Variants in PZP observed in about 807,000 individuals in gnomAD.
The protein encoded by PZP is PZP alpha-2-macroglobulin like, also known as pregnancy zone protein.
PZP carries 150 observed loss-of-function variants against 179.8 expected under a neutral mutation model. That is an observed-to-expected ratio of 0.83 (90% CI 0.73 to 0.96). The LOEUF is 0.96. PZP is among the 40% of genes least tolerant of loss of function. The probability of loss-of-function intolerance (pLI) is 0.00; values close to 1 mark genes in which losing one functional copy is unlikely to be tolerated. For synonymous variants in PZP, 624 were observed against 652.3 expected (o/e 0.96, Z 0.66); for missense variants, 1,689 against 1,764.0 (o/e 0.96, Z 0.76).
intron 7 of PZP, among the ~76,000 whole-genome samples, chr12:9,199,785 A>G (rs1944045606): frequency 6.6e-6 from 1 of 152,180 alleles, no homozygotes; most frequent in Non-Finnish European, 1.5e-5. Context: ...CAAATTTTAC[A>G]ATTTTAAAAA....
At chr12:9,157,122 T>C in intron 28 of PZP, 53 bp downstream of exon 28, 6 of 1,547,094 alleles carry the variant, frequency 3.9e-6, no homozygotes, top group Non-Finnish European at 5.3e-6. Flanking sequence ...GCTGTTCCCC[T>C]CCCTGTGTCT....
intron 1 of PZP, among the ~76,000 whole-genome samples, chr12:9,204,236 C>G (rs990393529): frequency 6.6e-6 from 1 of 152,130 alleles, no homozygotes; most frequent in African/African-American, 2.4e-5. Flanking sequence ...GCAGTCTGAG[C>G]TCTTTAAACT....
intron 4 of PZP, among the ~76,000 whole-genome samples, chr12:9,201,835 C>A (rs1944176755): frequency 1.3e-5 from 2 of 151,812 alleles, no homozygotes; most frequent in African/African-American, 2.4e-5. Flanking sequence ...TTCCTTTGCA[C>A]TAATATTGAA....
intron 16 of PZP, among the ~76,000 whole-genome samples, 176 bp downstream of exon 16, chr12:9,169,254 C>T (rs919206875): frequency 3.3e-5 from 5 of 152,070 alleles, no homozygotes; most frequent in African/African-American, 1.2e-4. Context: ...GACTCACATA[C>T]TGAGCTTTTG....
chr12:9,148,012 C>T (rs898632990), downstream of PZP, among the ~76,000 whole-genome samples: 2 of 151,570 alleles, frequency 1.3e-5, no homozygotes, highest in African/African-American at 4.8e-5. Flanking sequence ...TTTTTTTTCT[C>T]TCCATAAAAG....
At chr12:9,153,857 G>A (rs1230653611) in intron 29 of PZP, among the ~76,000 whole-genome samples, 1 of 152,198 alleles carries the variant, frequency 6.6e-6, no homozygotes. Flanking sequence ...GGAGGGAAAA[G>A]CCAGACACTC....
chr12:9,152,167 G>A, intron 32 of PZP, 53 bp downstream of exon 32: 3 of 1,254,920 alleles, frequency 2.4e-6, no homozygotes, highest in South Asian at 2.4e-5. Flanking sequence ...TCTTAGTTTG[G>A]GGATACAGAA....
In PZP at chr12:9,164,117, G is replaced by C; in HGVS notation, c.2614+16C>G. 1 of 1,606,346 alleles carries C rather than the reference G, an allele frequency of 6.2e-7. No individual in the cohort carries two copies. Among genetic ancestry groups the C allele is most frequent in the Non-Finnish European group, 8.5e-7 (1 of 1,173,684 alleles). On this transcript the variant is annotated intron_variant, in intron 20 of 35. Coordinates refer to ENST00000261336, the MANE Select transcript of PZP (RefSeq NM_002864.3). The stretch of plus-strand genomic sequence containing the variant: ...TCCTTGTTGATTGATAGGCCCTTTT[G>C]GGTACTGTCACTCACCCAGAGTTTT...
chr12:9,196,399 G>A lies in PZP; in HGVS notation c.1023C>T (p.Asn341=). 6.2e-7 allele frequency: 1 copy of A among 1,613,800 alleles called. No homozygotes were observed. The highest frequency in any genetic ancestry group is 8.5e-7 in the Non-Finnish European group (1 of 1,179,744). ...TCACGAATTTGAGTTTGGATACAAT[G>A]TTTGTGATTTCACTGATCCTGTTTG... The part of the protein sequence containing the change: ...VTANRISEIT[N]IVSKLKFVKV... The change falls in exon 10 of 36, where the codon AAC becomes AAT. Residue 341 remains asparagine (N), a synonymous_variant. Coordinates refer to ENST00000261336, the MANE Select transcript of PZP (RefSeq NM_002864.3).
chr12:9,182,544 G>A (rs1296832509), intron 13 of PZP, among the ~76,000 whole-genome samples: 1 of 152,020 alleles, frequency 6.6e-6, no homozygotes, highest in Non-Finnish European at 1.5e-5. Flanking sequence ...AAAAAGCTCT[G>A]TATGTAAAAA....
chr12:9,171,239 C>T (rs902616311), intron 15 of PZP, among the ~76,000 whole-genome samples: 7 of 152,080 alleles, frequency 4.6e-5, no homozygotes, highest in African/African-American at 1.7e-4. Context: ...GAGTGGACCC[C>T]CAGCAAACCT....
In PZP at chr12:9,208,350, A is replaced by G. The variant is rs750688843; in HGVS notation, c.-9T>C. On this transcript the variant is annotated 5_prime_UTR_variant, in exon 1 of 36. Coordinates refer to ENST00000261336, the MANE Select transcript of PZP (RefSeq NM_002864.3). ...AGTCTGTCTTTCCGCATTGTGAGGG[A>G]TAAATCTCAGGGTTGTGTCCAACTC... 1 of 1,610,018 alleles carries G rather than the reference A, an allele frequency of 6.2e-7. No individual in the cohort carries two copies. Among genetic ancestry groups the G allele is most frequent in the East Asian group, 2.2e-5 (1 of 44,818 alleles).
At chr12:9,191,202 G>C (rs969956040) in intron 13 of PZP, among the ~76,000 whole-genome samples, 1 of 151,950 alleles carries the variant, frequency 6.6e-6, no homozygotes, top group Non-Finnish European at 1.5e-5. Context: ...TATTATAAAA[G>C]AAAAAATCAA....
chr12:9,157,131 C>G (rs1419291063), intron 28 of PZP, 44 bp downstream of exon 28: 1 of 1,573,970 alleles, frequency 6.4e-7, no homozygotes, highest in Non-Finnish European at 8.7e-7. Flanking sequence ...CTCCCTGTGT[C>G]TATGTGTTCT....
At chr12:9,193,825 A>C (rs997292945) in intron 11 of PZP, among the ~76,000 whole-genome samples, 4 of 152,192 alleles carry the variant, frequency 2.6e-5, no homozygotes, top group African/African-American at 7.2e-5. Context: ...TCACGACCCA[A>C]ATCAAATAAG....
At chr12:9,144,993 C>T (rs1308604794), downstream of PZP, among the ~76,000 whole-genome samples, 2 of 152,240 alleles carry the variant, frequency 1.3e-5, no homozygotes, top group Non-Finnish European at 2.9e-5. Flanking sequence ...GCCCTGTCAC[C>T]TACTCTCTTG....
intron 10 of PZP, among the ~76,000 whole-genome samples, chr12:9,195,514 A>T (rs1211908147): frequency 2.0e-5 from 3 of 150,376 alleles, no homozygotes; most frequent in African/African-American, 7.4e-5. Context: ...TGCCATTATA[A>T]CTCACAGCAG....
At position 9,175,345 on chromosome 12, in the gene PZP, A is replaced by G. The variant is rs779630696; in HGVS notation, c.1839+5638T>C. Among the ~76,000 whole-genome samples, 4 of 152,332 alleles carry G rather than the reference A, an allele frequency of 2.6e-5. No homozygotes were observed. In the East Asian group the frequency reaches 7.7e-4, roughly 29 times the overall value. ...ATTAAATACTTAAATGTGAAACCCAAAACTATAAAGACCCTTGAAGAAAAT... is the reference window on the plus strand; with the variant it reads ...ATTAAATACTTAAATGTGAAACCCAGAACTATAAAGACCCTTGAAGAAAAT... On this transcript the variant is annotated intron_variant, in intron 15 of 35. Transcript: ENST00000261336.
rs1022200901 is a variant in PZP at position 9,170,390 on chromosome 12, G to C, written c.1840-799C>G. Among the ~76,000 whole-genome samples, 1 of 152,186 alleles carries C rather than the reference G, an allele frequency of 6.6e-6. No individual in the cohort carries two copies. The highest frequency in any genetic ancestry group is 2.4e-5 in the African/African-American group (1 of 41,446). On this transcript the variant is annotated intron_variant, in intron 15 of 35. Transcript: ENST00000261336. This position sits in a 1 kb window ranked among gnomAD's most constrained non-coding sequence, Gnocchi z 4.6. The stretch of plus-strand genomic sequence containing the variant: ...GCTGCTCAGGCACACAGAAACCCTG[G>C]AGTTTTACATAATCCGGCCCTGGGA...
Sources: allele counts gnomAD v4.1 joint callset (sites outside exome capture counted in the v4.1 genomes callset), GRCh38; gene constraint gnomAD v4.1.1; non-coding constraint Gnocchi (gnomAD v3.1); transcripts MANE v1.5; gene names NCBI Gene and HGNC (gene_info 2026-07-23, HGNC 2026-07-21).